Variants in NTN3 observed in about 807,000 individuals in gnomAD.
NTN3 encodes netrin 3.
In NTN3, 44 loss-of-function variants were observed where a neutral mutation model predicts 37.2. That is an observed-to-expected ratio of 1.18 (90% CI 0.93 to 1.52). NTN3 has a LOEUF of 1.52. NTN3 is among the 40% of genes most tolerant of loss of function. The pLI, the probability that NTN3 is intolerant of heterozygous loss-of-function variation, is 0.00. For synonymous variants in NTN3, 385 were observed against 376.0 expected (o/e 1.02, Z -0.28); for missense variants, 882 against 857.3 (o/e 1.03, Z -0.36).
Position 2,473,807 on chromosome 16 carries a change from G to A in NTN3, c.1445G>A (p.Arg482His). 7.2e-7 allele frequency: 1 copy of A among 1,392,674 alleles called. No homozygotes were observed. The highest frequency in any genetic ancestry group is 9.2e-7 in the Non-Finnish European group (1 of 1,083,882). The allele number at this position is 1,392,674 out of a possible 1,614,324, so 86.3% of individuals were successfully genotyped here. A position where few individuals can be genotyped will look rare whatever the true frequency, so the allele number is the denominator to read the frequency against. The change falls in exon 6 of 6, where the codon CGC (arginine) becomes CAC (histidine). Residue 482 changes from arginine to histidine, a missense_variant. Coordinates refer to ENST00000293973, the MANE Select transcript of NTN3 (RefSeq NM_006181.3). ...ARGEARGAWTRFPVAVLAVFR... is the reference protein window; with the variant it reads ...ARGEARGAWTHFPVAVLAVFR... ...GGCGAGGCGCGCGGCGCGTGGACAC[G>A]CTTCCCGGTGGCGGTGCTCGCCGTG...
chr16:2,472,239 G>A lies in NTN3; in HGVS notation c.538G>A (p.Ala180Thr), dbSNP rs750310697. The change falls in exon 1 of 6, where the codon GCA becomes ACA. Residue 180 changes from alanine to threonine, a missense_variant. Ala to Thr is a moderately conservative substitution (Grantham distance 58, BLOSUM62 0). Transcript: ENST00000293973. ...AGGGCCTGAGGCCCTGTGCTTCCCC[G>A]CACCCCTGGCCCAGCCTGATGGCAG... ...GPGPEALCFPAPLAQPDGSGL... is the reference protein window; with the variant it reads ...GPGPEALCFPTPLAQPDGSGL... 3.5e-5 allele frequency: 57 copies of A among 1,610,118 alleles called. No individual in the cohort carries two copies. Among genetic ancestry groups the A allele is most frequent in the South Asian group, 6.6e-5 (6 of 90,946 alleles).
Position 2,472,446 on chromosome 16 carries a change from C to T in NTN3, c.745C>T (p.Leu249Phe), listed in dbSNP as rs2065527342. 1.3e-6 allele frequency: 2 copies of T among 1,596,818 alleles called. No individual in the cohort carries two copies. Among genetic ancestry groups the T allele is most frequent in the South Asian group, 2.2e-5 (2 of 91,070 alleles). ...VVPYSYAATD[L>F]QVGGRCKCNG... ...CCCTTACTCCTACGCAGCCACCGAC[C>T]TCCAGGTGGGCGGGCGCTGCAAGTG... Residue 249 changes from leucine (L) to phenylalanine (F), a missense_variant, in exon 1 of 6, where the codon CTC (leucine) becomes TTC (phenylalanine). Coordinates refer to ENST00000293973, the MANE Select transcript of NTN3 (RefSeq NM_006181.3).
Position 2,472,540 on chromosome 16 carries a change from C to G in NTN3, c.839C>G (p.Thr280Ser). 1 of 1,606,060 alleles carries G rather than the reference C, an allele frequency of 6.2e-7. No individual in the cohort carries two copies. Among genetic ancestry groups the G allele is most frequent in the East Asian group, 2.2e-5 (1 of 44,800 alleles). ...GHLICDCRHG[T>S]EGPDCGRCKP... The stretch of plus-strand genomic sequence containing the variant: ...CTGATCTGCGACTGTCGGCATGGCA[C>G]CGAGGGCCCTGACTGCGGCCGCTGC... The change falls in exon 1 of 6, where the codon ACC becomes AGC. Residue 280 changes from threonine to serine, a missense_variant. Coordinates refer to ENST00000293973, the MANE Select transcript of NTN3 (RefSeq NM_006181.3).
Position 2,471,657 on chromosome 16 carries a change from G to A in NTN3, c.-45G>A. 1 of 1,255,094 alleles carries A rather than the reference G, an allele frequency of 8.0e-7. No individual in the cohort carries two copies. Among genetic ancestry groups the A allele is most frequent in the South Asian group, 2.3e-5 (1 of 43,974 alleles). The allele number at this position is 1,255,094 out of a possible 1,614,324, so 77.7% of individuals were successfully genotyped here. On this transcript the variant is annotated 5_prime_UTR_variant, in exon 1 of 6. Transcript: ENST00000293973. ...AGAGGGCTTCTTTTCCCCAAGGGCA[G>A]CGTCTTGGGGCCCGGCCACTGGCTG...
At position 2,472,570 on chromosome 16, in the gene NTN3, C is replaced by A. The variant is rs746966373; in HGVS notation, c.869C>A (p.Pro290His). The A allele has an allele frequency of 1.5e-5, 24 of 1,601,822 alleles. No homozygotes were observed. In the East Asian group the frequency reaches 4.0e-4, roughly 27 times the overall value. ...GGCCCTGACTGCGGCCGCTGCAAGCCCTTCTACTGCGACAGGCCATGGCAG... is the reference window on the plus strand; with the variant it reads ...GGCCCTGACTGCGGCCGCTGCAAGCACTTCTACTGCGACAGGCCATGGCAG... Reference protein sequence around the residue: ...TEGPDCGRCKPFYCDRPWQRA... With the variant: ...TEGPDCGRCKHFYCDRPWQRA... Residue 290 changes from proline (P) to histidine (H), a missense_variant, in exon 1 of 6, where the codon CCC becomes CAC. Physicochemically the swap from Pro to His is moderately conservative, Grantham distance 77 (BLOSUM62 -2). Coordinates refer to ENST00000293973, the MANE Select transcript of NTN3 (RefSeq NM_006181.3).
rs2065538880 is a variant in NTN3, at chr16:2,473,812, C to T, written c.1450C>T (p.Pro484Ser). Residue 484 changes from proline to serine, a missense_variant, in exon 6 of 6, where the codon CCG (proline) becomes TCG (serine). Pro to Ser is a moderately conservative substitution (Grantham distance 74, BLOSUM62 -1). Transcript: ENST00000293973. ...GEARGAWTRF[P>S]VAVLAVFRSG... The stretch of plus-strand genomic sequence containing the variant: ...GGCGCGCGGCGCGTGGACACGCTTC[C>T]CGGTGGCGGTGCTCGCCGTGTTCCG... The T allele has an allele frequency of 7.9e-6, 11 of 1,390,874 alleles. No individual in the cohort carries two copies. Among genetic ancestry groups the T allele is most frequent in the South Asian group, 1.6e-5 (1 of 61,484 alleles). The allele number at this position is 1,390,874 out of a possible 1,614,324, so 86.2% of individuals were successfully genotyped here.
At position 2,472,845 on chromosome 16, in the gene NTN3, A is replaced by G. The variant is rs1345238254; in HGVS notation, c.1073A>G (p.Tyr358Cys). ...RHCHYCREGFYRDPGRALSDR... is the reference protein window; with the variant it reads ...RHCHYCREGFCRDPGRALSDR... ...TGCCACTACTGCCGGGAGGGCTTCT[A>G]TCGAGACCCTGGCCGTGCCCTGAGT... Residue 358 changes from tyrosine (Y) to cysteine (C), a missense_variant, in exon 2 of 6, where the codon TAT (tyrosine) becomes TGT (cysteine). Physicochemically the swap from Tyr to Cys is radical, Grantham distance 194. Transcript: ENST00000293973. 1.9e-6 allele frequency: 3 copies of G among 1,607,622 alleles called. No homozygotes were observed. Among genetic ancestry groups the G allele is most frequent in the African/African-American group, 1.3e-5 (1 of 74,776 alleles).
In NTN3 at chr16:2,472,315, T is replaced by C. The variant is rs370583910; in HGVS notation, c.614T>C (p.Leu205Pro). 137 of 1,609,580 alleles carry C rather than the reference T, an allele frequency of 8.5e-5. No homozygotes were observed. Among genetic ancestry groups the C allele is most frequent in the Non-Finnish European group, 1.1e-4 (130 of 1,177,836 alleles). The part of the protein sequence containing the change: ...MQDSSPPGLD[L>P]DSSPVLQDWV... ...GACAGCAGCCCCCCAGGCCTGGACC[T>C]GGACAGCAGCCCAGTGCTCCAAGAC... Residue 205 changes from leucine to proline, a missense_variant, in exon 1 of 6, where the codon CTG becomes CCG. Leu to Pro is a moderately conservative substitution (Grantham distance 98). Coordinates refer to ENST00000293973, the MANE Select transcript of NTN3 (RefSeq NM_006181.3).
rs1364548463 is a variant in NTN3, at chr16:2,471,776, G to A, written c.75G>A (p.Ala25=). 7 of 1,380,518 alleles carry A rather than the reference G, an allele frequency of 5.1e-6. No individual in the cohort carries two copies. Among genetic ancestry groups the A allele is most frequent in the Admixed American group, 3.5e-5 (1 of 28,196 alleles). The allele number at this position is 1,380,518 out of a possible 1,614,324, so 85.5% of individuals were successfully genotyped here. The change falls in exon 1 of 6, where the codon GCG becomes GCA. Residue 25 remains alanine (A), a synonymous_variant. Transcript: ENST00000293973. ...LFAALSPGPP[A]PADPCHDEGG... is the part of the protein sequence containing the mutation. ...CCGCCCTGAGTCCTGGGCCGCCGGC[G>A]CCCGCCGACCCCTGCCACGATGAGG...
chr16:2,471,493 C>T lies in NTN3; in HGVS notation c.-209C>T. 2.6e-6 allele frequency: 1 copy of T among 390,376 alleles called. No individual in the cohort carries two copies. The highest frequency in any genetic ancestry group is 4.5e-5 in the Admixed American group (1 of 22,142). 24.2% of individuals were successfully genotyped at this position (390,376 alleles called of 1,614,324 possible). On this transcript the variant is annotated 5_prime_UTR_variant, in exon 1 of 6. Coordinates refer to ENST00000293973, the MANE Select transcript of NTN3 (RefSeq NM_006181.3). Reference sequence around the variant, plus strand: ...GCGACGCCTGTCATCGCTCTAGGCCCAGCGGGAGGACGCGCCAACATCCCC... The same window carrying T: ...GCGACGCCTGTCATCGCTCTAGGCCTAGCGGGAGGACGCGCCAACATCCCC...
chr16:2,471,735 G>T lies in NTN3; in HGVS notation c.34G>T (p.Ala12Ser). 7.2e-7 allele frequency: 1 copy of T among 1,381,532 alleles called. No individual in the cohort carries two copies. Among genetic ancestry groups the T allele is most frequent in the South Asian group, 1.7e-5 (1 of 59,960 alleles). 85.6% of individuals were successfully genotyped at this position (1,381,532 alleles called of 1,614,324 possible). ...CTGGCCCTGGGGGCTGCTGCTGACG[G>T]CAGGCACGCTCTTCGCCGCCCTGAG... Reference protein sequence around the residue: ...PGWPWGLLLTAGTLFAALSPG... With the variant: ...PGWPWGLLLTSGTLFAALSPG... The change falls in exon 1 of 6, where the codon GCA (alanine) becomes TCA (serine). Residue 12 changes from alanine (A) to serine (S), a missense_variant. Coordinates refer to ENST00000293973, the MANE Select transcript of NTN3 (RefSeq NM_006181.3).
chr16:2,471,390 A>C lies in NTN3; in HGVS notation c.-312A>C. The stretch of plus-strand genomic sequence containing the variant: ...ACGGCCCTTCCCGGGAGGCCGGGAG[A>C]CCTGCTCCGCCCGGCCCTCGGTGGG... On this transcript the variant is annotated 5_prime_UTR_variant, in exon 1 of 6. Coordinates refer to ENST00000293973, the MANE Select transcript of NTN3 (RefSeq NM_006181.3). The C allele has an allele frequency of 4.4e-6, 1 of 229,074 alleles. No homozygotes were observed. Among genetic ancestry groups the C allele is most frequent in the Non-Finnish European group, 8.5e-6 (1 of 118,126 alleles). 14.2% of individuals were successfully genotyped at this position (229,074 alleles called of 1,614,324 possible).
chr16:2,473,159 C>T (rs925808026), intron 3 of NTN3, 25 bp downstream of exon 3: 1 of 1,592,626 alleles, frequency 6.3e-7, no homozygotes, highest in Non-Finnish European at 8.6e-7. Flanking sequence ...CCCGCCTCAG[C>T]CACCAAGCCA....
Position 2,472,333 on chromosome 16 carries a change from T to C in NTN3, c.632T>C (p.Leu211Pro). The C allele has an allele frequency of 6.2e-7, 1 of 1,611,326 alleles. No individual in the cohort carries two copies. Among genetic ancestry groups the C allele is most frequent in the Non-Finnish European group, 8.5e-7 (1 of 1,178,938 alleles). Residue 211 changes from leucine to proline, a missense_variant, in exon 1 of 6, where the codon CTC (leucine) becomes CCC (proline). Leu to Pro is a moderately conservative substitution (Grantham distance 98, BLOSUM62 -3). Coordinates refer to ENST00000293973, the MANE Select transcript of NTN3 (RefSeq NM_006181.3). ...CTGGACCTGGACAGCAGCCCAGTGC[T>C]CCAAGACTGGGTGACCGCCACCGAC... is the stretch of plus-strand genomic sequence containing the variant. The part of the protein sequence containing the change: ...PGLDLDSSPV[L>P]QDWVTATDVR...
In NTN3 at chr16:2,471,828, G is replaced by T; in HGVS notation, c.127G>T (p.Gly43Ter). 1 of 1,435,940 alleles carries T rather than the reference G, an allele frequency of 7.0e-7. No homozygotes were observed. The highest frequency in any genetic ancestry group is 1.4e-5 in the South Asian group (1 of 69,216). The allele number at this position is 1,435,940 out of a possible 1,614,324, so 88.9% of individuals were successfully genotyped here. A position where few individuals can be genotyped will look rare whatever the true frequency, so the allele number is the denominator to read the frequency against. Residue 43 changes from glycine to a stop codon, truncating the protein, a stop_gained, in exon 1 of 6, where the codon GGA becomes TGA. Coordinates refer to ENST00000293973, the MANE Select transcript of NTN3 (RefSeq NM_006181.3). LOFTEE classifies it high-confidence loss of function. ...EGGAPRGCVP[G>*]LVNAALGREV... ...GGGTGCGCCCCGCGGCTGCGTGCCA[G>T]GACTGGTGAACGCCGCCCTGGGCCG...
Position 2,473,078 on chromosome 16 carries a change from G to T in NTN3, c.1211G>T (p.Cys404Phe). The T allele has an allele frequency of 1.2e-6, 2 of 1,610,760 alleles. No individual in the cohort carries two copies. The change falls in exon 3 of 6, where the codon TGC (cysteine) becomes TTC (phenylalanine). Residue 404 changes from cysteine to phenylalanine, a missense_variant. Cys to Phe is a radical substitution (Grantham distance 205). Transcript: ENST00000293973. ...AAGGATGGCGTCACTGGCCTCACCT[G>T]CAACCGCTGCGCGCCTGGCTTCCAG... ...PCKDGVTGLT[C>F]NRCAPGFQQS... is the part of the protein sequence containing the mutation.
Position 2,473,319 on chromosome 16 carries a change from G to C in NTN3, c.1318+1G>C, listed in dbSNP as rs2065534009. ...GACAGCAGCCCTGTGCAGCCCCAGG[G>C]TGAGTGGACACAGGACAGGGCCCCA... is the stretch of plus-strand genomic sequence containing the variant. On this transcript the variant is annotated splice_donor_variant, in intron 4 of 5. Coordinates refer to ENST00000293973, the MANE Select transcript of NTN3 (RefSeq NM_006181.3). LOFTEE classifies it high-confidence loss of function. 1.2e-6 allele frequency: 2 copies of C among 1,612,938 alleles called. No individual in the cohort carries two copies. The highest frequency in any genetic ancestry group is 1.7e-6 in the Non-Finnish European group (2 of 1,179,966).
chr16:2,471,776 G>T lies in NTN3; in HGVS notation c.75G>T (p.Ala25=). ...LFAALSPGPP[A]PADPCHDEGG... Reference sequence around the variant, plus strand: ...CCGCCCTGAGTCCTGGGCCGCCGGCGCCCGCCGACCCCTGCCACGATGAGG... The same window carrying T: ...CCGCCCTGAGTCCTGGGCCGCCGGCTCCCGCCGACCCCTGCCACGATGAGG... Residue 25 remains alanine, a synonymous_variant, in exon 1 of 6, where the codon GCG becomes GCT. Transcript: ENST00000293973. 7.2e-7 allele frequency: 1 copy of T among 1,380,518 alleles called. No homozygotes were observed. The highest frequency in any genetic ancestry group is 9.3e-7 in the Non-Finnish European group (1 of 1,075,180). The allele number at this position is 1,380,518 out of a possible 1,614,324, so 85.5% of individuals were successfully genotyped here. A position where few individuals can be genotyped will look rare whatever the true frequency, so the allele number is the denominator to read the frequency against.
chr16:2,473,481 G>C lies in NTN3; in HGVS notation c.1371G>C (p.Lys457Asn). The change falls in exon 5 of 6, where the codon AAG becomes AAC. Residue 457 changes from lysine to asparagine, a missense_variant. Coordinates refer to ENST00000293973, the MANE Select transcript of NTN3 (RefSeq NM_006181.3). The part of the protein sequence containing the change: ...PARGSYRISL[K>N]KFCKKDYAVQ... ...GTGGCAGCTACCGCATCAGCCTAAA[G>C]AAGTTCTGCAAGAAGGACTATGGTA... 2 of 1,613,080 alleles carry C rather than the reference G, an allele frequency of 1.2e-6. No homozygotes were observed. Among genetic ancestry groups the C allele is most frequent in the Non-Finnish European group, 1.7e-6 (2 of 1,179,978 alleles).
Sources: allele counts gnomAD v4.1 joint callset, GRCh38; gene constraint gnomAD v4.1.1; transcripts MANE v1.5; gene names NCBI Gene and HGNC (gene_info 2026-07-23, HGNC 2026-07-21).